The following SLC35D1 variants were observed in gnomAD, a reference collection of about 807,000 sequenced individuals.
SLC35D1 encodes the protein nucleotide sugar transporter SLC35D1.
SLC35D1 carries 31 observed loss-of-function variants against 46.7 expected under a neutral mutation model. The observed-to-expected ratio is 0.66, with a 90% CI of 0.50 to 0.90. SLC35D1 has a LOEUF of 0.90. Among genes scored for constraint, SLC35D1 ranks in the 40% least tolerant of loss-of-function variants. The pLI, the probability that SLC35D1 is intolerant of heterozygous loss-of-function variation, is 0.00. For missense variants in SLC35D1, 397 were observed against 426.2 expected (o/e 0.93, Z 0.60); for synonymous variants, 195 against 164.6 (o/e 1.18, Z -1.41).
intron 8 of SLC35D1, among the ~76,000 whole-genome samples, chr1:67,031,497 A>G (rs1269509027): frequency 1.3e-5 from 2 of 152,208 alleles, no homozygotes; most frequent in Non-Finnish European, 2.9e-5. Context: ...TTATCTAGCT[A>G]GTAAGTACCT....
At chr1:66,989,559 G>A in the SLC35D1 span, among the ~76,000 whole-genome samples, 5 of 152,116 alleles carry the variant, frequency 3.3e-5, no homozygotes, top group Non-Finnish European at 5.9e-5. Flanking sequence ...ACCTCCTTGG[G>A]CGCAGGTAAT....
At chr1:67,049,209 G>C (rs560489664) in intron 6 of SLC35D1, among the ~76,000 whole-genome samples, 7 of 151,944 alleles carry the variant, frequency 4.6e-5, no homozygotes, top group Non-Finnish European at 1.0e-4. Context: ...CAGGAGAATG[G>C]CGTAAACCTG....
intron 8 of SLC35D1, among the ~76,000 whole-genome samples, chr1:67,022,322 C>T (rs1293396963): frequency 1.3e-5 from 2 of 152,228 alleles, no homozygotes; most frequent in African/African-American, 4.8e-5. Context: ...TGTCCAGCTT[C>T]AACTTTTGCT....
intron 8 of SLC35D1, among the ~76,000 whole-genome samples, chr1:67,041,586 T>G (rs1183635651): frequency 6.6e-6 from 1 of 152,192 alleles, no homozygotes; most frequent in African/African-American, 2.4e-5. Context: ...GTTTGCAGAA[T>G]TTTGTGAATT....
At chr1:66,976,536 A>G in the SLC35D1 span, 3 of 1,489,030 alleles carry the variant, frequency 2.0e-6, no homozygotes, top group Non-Finnish European at 2.7e-6. Context: ...TCAGATGTTT[A>G]TCATGAAGTA....
chr1:66,976,461 C>T, the SLC35D1 span: 1 of 633,004 alleles, frequency 1.6e-6, no homozygotes, highest in Non-Finnish European at 2.5e-6. Context: ...ATAGCTGCTA[C>T]ACTGTTGTAT....
chr1:67,042,395 T>C, intron 7 of SLC35D1, 67 bp from the exon 8 acceptor site: 7 of 1,284,778 alleles, frequency 5.4e-6, no homozygotes, highest in Non-Finnish European at 7.9e-6. Context: ...CTGTACAAAA[T>C]ACCACTCAAA....
At chr1:66,976,969 T>C in the SLC35D1 span, among the ~76,000 whole-genome samples, 2 of 152,216 alleles carry the variant, frequency 1.3e-5, no homozygotes, top group Non-Finnish European at 2.9e-5. Context: ...TCATATTATG[T>C]ATGAGACAAG....
At chr1:67,041,402 A>G (rs1668238599) in intron 8 of SLC35D1, among the ~76,000 whole-genome samples, 1 of 152,194 alleles carries the variant, frequency 6.6e-6, no homozygotes, top group South Asian at 2.1e-4. Context: ...GAACAATTTA[A>G]TAGTCCAACA....
In SLC35D1 at chr1:67,021,390, C is replaced by T. The variant is rs901381691; in HGVS notation, c.797+145G>A. 46 of 864,932 alleles carry T rather than the reference C, an allele frequency of 5.3e-5. No individual in the cohort carries two copies. In the Admixed American group the frequency reaches 8.4e-4, roughly 16 times the overall value. The allele number at this position is 864,932 out of a possible 1,614,324, so 53.6% of individuals were successfully genotyped here. ...AGCCCTAAGAGCACATTCCCAAGAG[C>T]TATGAAACCACCTGAATCTGGAGGC... On this transcript the variant is annotated intron_variant, in intron 9 of 11. Transcript: ENST00000235345.
the SLC35D1 span, among the ~76,000 whole-genome samples, chr1:66,992,906 A>C: frequency 6.6e-6 from 1 of 152,250 alleles, no homozygotes; most frequent in Non-Finnish European, 1.5e-5. Flanking sequence ...ATTGCTATTA[A>C]AAGCACAGCA....
the SLC35D1 span, chr1:66,985,020 T>G: frequency 2.1e-6 from 3 of 1,409,050 alleles, no homozygotes; most frequent in Non-Finnish European, 1.8e-6. Context: ...GAATTGAGTC[T>G]TAACTTTAGG....
rs1667380809 is a variant in SLC35D1, at chr1:67,003,313, G to A, written c.*1027C>T. 1 of 152,380 alleles carries A rather than the reference G, an allele frequency of 6.6e-6. No individual in the cohort carries two copies. The highest frequency in any genetic ancestry group is 2.1e-4 in the South Asian group (1 of 4,834). The allele number at this position is 152,380 out of a possible 1,614,324, so 9.4% of individuals were successfully genotyped here. ...CCTGTCTGCAATTTTCACTTAGAGA[G>A]GGAGTCAATGCTGAGCTGCACTGGT... is the stretch of plus-strand genomic sequence containing the variant. On this transcript the variant is annotated 3_prime_UTR_variant, in exon 12 of 12. Transcript: ENST00000235345.
chr1:67,017,156 G>A (rs1219018897), intron 10 of SLC35D1, among the ~76,000 whole-genome samples: 3 of 151,974 alleles, frequency 2.0e-5, no homozygotes, highest in Non-Finnish European at 4.4e-5. Flanking sequence ...ATGGCCAATC[G>A]CTATTCTTAT....
At chr1:67,015,587 CTG>C (rs1453891848) in intron 10 of SLC35D1, among the ~76,000 whole-genome samples, 4 of 152,188 alleles carry the variant, frequency 2.6e-5, no homozygotes, top group Non-Finnish European at 5.9e-5. Flanking sequence ...ACAGGTTTCA[CTG>C]TGTTGGCCAG....
chr1:66,992,476 T>C, the SLC35D1 span, among the ~76,000 whole-genome samples: 1 of 152,186 alleles, frequency 6.6e-6, no homozygotes, highest in East Asian at 1.9e-4. Context: ...CTGGAATCTC[T>C]CACTCAATCC....
intron 8 of SLC35D1, among the ~76,000 whole-genome samples, chr1:67,022,689 C>A (rs545521306): frequency 6.6e-6 from 1 of 152,276 alleles, no homozygotes; most frequent in South Asian, 2.1e-4. Context: ...GTTTATAGTT[C>A]TTTGTTGAGG....
At chr1:66,986,315 G>A in the SLC35D1 span, 51 of 1,522,168 alleles carry the variant, frequency 3.4e-5, no homozygotes, top group Admixed American at 1.1e-3. Context: ...CTAAATTCTT[G>A]TTAAATAATG....
chr1:67,048,436 AT>A (rs770464830), intron 6 of SLC35D1, among the ~76,000 whole-genome samples: 2 of 152,190 alleles, frequency 1.3e-5, no homozygotes, highest in Non-Finnish European at 2.9e-5. Context: ...CTAGCATAGA[AT>A]TTTTCTCCAA....
Sources: allele counts gnomAD v4.1 joint callset (sites outside exome capture counted in the v4.1 genomes callset), GRCh38; gene constraint gnomAD v4.1.1; transcripts MANE v1.5; gene names NCBI Gene and HGNC (gene_info 2026-07-23, HGNC 2026-07-21).